Variants in MSTO1 observed in about 807,000 individuals in gnomAD.
MSTO1 encodes the protein protein misato homolog 1.
In MSTO1, 24 loss-of-function variants were observed where a neutral mutation model predicts 55.7. That is an observed-to-expected ratio of 0.43 (90% CI 0.31 to 0.61). MSTO1 has a LOEUF of 0.61. Ranked by LOEUF, MSTO1 falls within the 20% of genes least tolerant of loss-of-function variation. MSTO1 has a pLI of 0.09. For missense variants in MSTO1, 363 were observed against 625.7 expected (o/e 0.58, Z 4.48); for synonymous variants, 162 against 252.8 (o/e 0.64, Z 3.41).
At chr1:155,573,329 A>G in the MSTO1 span, among the ~76,000 whole-genome samples, 1 of 152,124 alleles carries the variant, frequency 6.6e-6, no homozygotes, top group African/African-American at 2.4e-5. Flanking sequence ...TTGAGAGGCC[A>G]AGGCAGGTGG....
In MSTO1 at chr1:155,613,341, A is replaced by G. The variant is rs575985022; in HGVS notation, c.1283+108A>G. 2,162 of 1,566,434 alleles carry G rather than the reference A, an allele frequency of 1.4e-3. 1 individual carries two copies. The highest frequency in any genetic ancestry group is 1.7e-3 in the Non-Finnish European group (1,995 of 1,156,914). ...TGATACTGTTCCCTCCCCACCCCTT[A>G]AAAAGGAAAAAAAAAAGGGCTTTGA... On this transcript the variant is annotated intron_variant, in intron 11 of 13. Coordinates refer to ENST00000245564, the MANE Select transcript of MSTO1 (RefSeq NM_018116.4).
At chr1:155,586,217 T>G in the MSTO1 span, among the ~76,000 whole-genome samples, 11 of 150,514 alleles carry the variant, frequency 7.3e-5, no homozygotes, top group Non-Finnish European at 1.3e-4. Flanking sequence ...TTTTTTTTTT[T>G]TTTTTGTTAG....
the MSTO1 span, chr1:155,563,680 T>C: frequency 5.0e-6 from 2 of 399,376 alleles, no homozygotes; most frequent in Non-Finnish European, 1.0e-5. Flanking sequence ...GGACTTAGTC[T>C]CCCTTTTCTT....
chr1:155,577,084 TTTTG>T, the MSTO1 span, among the ~76,000 whole-genome samples: 10 of 149,976 alleles, frequency 6.7e-5, no homozygotes, highest in African/African-American at 2.4e-4. Flanking sequence ...TTTGTCTTTT[TTTTG>T]TTTGTTTGTT....
At chr1:155,587,437 C>G in the MSTO1 span, among the ~76,000 whole-genome samples, 1 of 83,854 alleles carries the variant, frequency 1.2e-5, no homozygotes, top group African/African-American at 4.8e-5. Context: ...GAGACTACGT[C>G]TCAAAAAAAA....
At chr1:155,601,249 T>A in the MSTO1 span, among the ~76,000 whole-genome samples, 1 of 151,720 alleles carries the variant, frequency 6.6e-6, no homozygotes, top group Non-Finnish European at 1.5e-5. Context: ...TTCTCCTGCC[T>A]TAGCCTCCTG....
chr1:155,565,656 TG>T, the MSTO1 span, among the ~76,000 whole-genome samples: 1 of 152,186 alleles, frequency 6.6e-6, no homozygotes, highest in African/African-American at 2.4e-5. Context: ...ACCACACCAG[TG>T]TATAGGGAGA....
the MSTO1 span, among the ~76,000 whole-genome samples, chr1:155,594,734 G>A: frequency 2.3e-4 from 35 of 151,900 alleles, no homozygotes; most frequent in Non-Finnish European, 3.8e-4. Context: ...TACAGGAGTG[G>A]ACCACCACAC....
chr1:155,609,341 G>A (rs1400388161), upstream of MSTO1, among the ~76,000 whole-genome samples: 2 of 142,092 alleles, frequency 1.4e-5, no homozygotes, highest in Admixed American at 7.5e-5. Flanking sequence ...CGCCTCCCGG[G>A]TTCACGCCAT....
chr1:155,580,902 T>C, the MSTO1 span, among the ~76,000 whole-genome samples: 1 of 105,036 alleles, frequency 9.5e-6, no homozygotes, highest in Non-Finnish European at 2.1e-5. Flanking sequence ...AGTGAGACTC[T>C]GTCTCAAAAA....
In MSTO1 at chr1:155,614,831, T is replaced by C. The variant is rs1270277613; in HGVS notation, c.*558T>C. 6.3e-7 allele frequency: 1 copy of C among 1,578,864 alleles called. No individual in the cohort carries two copies. The highest frequency in any genetic ancestry group is 8.6e-7 in the Non-Finnish European group (1 of 1,161,734). ...TCCTCAGAGCTGGCTTCACAGGCAGTGTGGAAGAGCTGCATGAGTTCTCGA... is the reference window on the plus strand; with the variant it reads ...TCCTCAGAGCTGGCTTCACAGGCAGCGTGGAAGAGCTGCATGAGTTCTCGA... On this transcript the variant is annotated 3_prime_UTR_variant, in exon 14 of 14. Transcript: ENST00000245564.
upstream of MSTO1, among the ~76,000 whole-genome samples, chr1:155,606,198 CTTTTTTTTTTTTTTTTTTT>C (rs747681932): frequency 6.1e-4 from 17 of 28,092 alleles, no homozygotes; most frequent in East Asian, 4.6e-3. Flanking sequence ...CATGCCCAGC[CTTTTTTTTTTTTTTTTTTT>C]TTTTTTTTTT....
At chr1:155,579,321 G>GCAAACAAA in the MSTO1 span, among the ~76,000 whole-genome samples, 1 of 150,952 alleles carries the variant, frequency 6.6e-6, no homozygotes, top group African/African-American at 2.4e-5. Context: ...CTCAAAACAA[G>GCAAACAAA]CAAACAAACA....
upstream of MSTO1, chr1:155,610,036 C>A (rs1303170522): frequency 3.4e-6 from 2 of 586,022 alleles, no homozygotes; most frequent in African/African-American, 3.8e-5. Flanking sequence ...CGTGGAGCCC[C>A]GCCCCTCACA....
chr1:155,609,217 G>GTATATATATATATATATA (rs777579171), upstream of MSTO1, among the ~76,000 whole-genome samples: 17 of 84,520 alleles, frequency 2.0e-4, no homozygotes, highest in East Asian at 3.4e-3. Context: ...ATTATCAGCA[G>GTATATATATATATATATA]TATATATATA....
Position 155,614,825 on chromosome 1 carries a change from A to G in MSTO1, c.*552A>G, listed in dbSNP as rs374309842. 4.7e-4 allele frequency: 742 copies of G among 1,578,636 alleles called. 6 individuals are homozygous for G. In the East Asian group the frequency reaches 0.015, roughly 32 times the overall value. ...TCCTCATCCTCAGAGCTGGCTTCAC[A>G]GGCAGTGTGGAAGAGCTGCATGAGT... On this transcript the variant is annotated 3_prime_UTR_variant, in exon 14 of 14. Coordinates refer to ENST00000245564, the MANE Select transcript of MSTO1 (RefSeq NM_018116.4).
At chr1:155,584,691 A>AGAAAG in the MSTO1 span, among the ~76,000 whole-genome samples, 815 of 75,572 alleles carry the variant, frequency 0.011, 4 homozygotes, top group African/African-American at 0.022. Context: ...AAAAAAAAAA[A>AGAAAG]AAAGAAAGAA....
At chr1:155,593,997 G>C in the MSTO1 span, among the ~76,000 whole-genome samples, 1 of 151,630 alleles carries the variant, frequency 6.6e-6, no homozygotes, top group Non-Finnish European at 1.5e-5. Flanking sequence ...GCAATGTAAA[G>C]AGTGCTATTA....
the MSTO1 span, among the ~76,000 whole-genome samples, chr1:155,569,970 A>G: frequency 6.6e-6 from 1 of 152,220 alleles, no homozygotes; most frequent in Admixed American, 6.5e-5. Context: ...AACTATTAAC[A>G]TTAGAAATGA....
Sources: allele counts gnomAD v4.1 joint callset (sites outside exome capture counted in the v4.1 genomes callset), GRCh38; gene constraint gnomAD v4.1.1; transcripts MANE v1.5; gene names NCBI Gene and HGNC (gene_info 2026-07-23, HGNC 2026-07-21).